The following ANKS1B variants were observed in gnomAD, a reference collection of about 807,000 sequenced individuals.
The protein encoded by ANKS1B is ankyrin repeat and sterile alpha motif domain-containing protein 1B.
A neutral mutation model predicts 148.3 loss-of-function variants in ANKS1B; 36 were observed. That is an observed-to-expected ratio of 0.24 (90% confidence interval 0.19 to 0.32). ANKS1B has a LOEUF of 0.32. Among genes scored for constraint, ANKS1B ranks in the 10% least tolerant of loss-of-function variants. The pLI, the probability that ANKS1B is intolerant of heterozygous loss-of-function variation, is 1.00. For missense variants in ANKS1B, 1,157 were observed against 1,542.6 expected (o/e 0.75, Z 4.19); for synonymous variants, 542 against 560.8 (o/e 0.97, Z 0.47).
chr12:99,687,671 T>C (rs1028981475), intron 8 of ANKS1B, among the ~76,000 whole-genome samples: 4 of 152,214 alleles, frequency 2.6e-5, no homozygotes, highest in African/African-American at 9.6e-5. Flanking sequence ...GAAGTTCCAC[T>C]TGAGTCATTT....
intron 17 of ANKS1B, among the ~76,000 whole-genome samples, chr12:98,845,805 A>G (rs926722111): frequency 1.3e-5 from 2 of 151,894 alleles, no homozygotes; most frequent in Non-Finnish European, 2.9e-5. Flanking sequence ...AAAAACCTCT[A>G]TTACCTTTAG....
At chr12:99,320,924 T>C (rs919244318) in intron 12 of ANKS1B, among the ~76,000 whole-genome samples, 1 of 152,162 alleles carries the variant, frequency 6.6e-6, no homozygotes, top group African/African-American at 2.4e-5. Flanking sequence ...CTAACAGTCA[T>C]GACCCTGGAA....
rs186185769 is a variant in ANKS1B, at chr12:99,675,273, T to C, written c.1129-20063A>G. Among the ~76,000 whole-genome samples, 39 of 152,158 alleles carry C rather than the reference T, an allele frequency of 2.6e-4. 1 individual carries two copies. The East Asian group carries it at 7.1e-3, about 28-fold the overall frequency. On this transcript the variant is annotated intron_variant, in intron 8 of 26. Transcript: ENST00000683438. Reference sequence around the variant, plus strand: ...TATGTATGTGTAATGATATTCATTATTCCATTGATATAAAAGCAAATAATT... The same window carrying C: ...TATGTATGTGTAATGATATTCATTACTCCATTGATATAAAAGCAAATAATT...
intron 9 of ANKS1B, among the ~76,000 whole-genome samples, chr12:98,736,910 AG>A (rs1170844346): frequency 1.3e-5 from 2 of 152,242 alleles, no homozygotes; most frequent in Admixed American, 1.3e-4. Flanking sequence ...TAAGCAGCAG[AG>A]GAAGCAATAA....
At chr12:99,874,895 A>G (rs550837666) in intron 1 of ANKS1B, among the ~76,000 whole-genome samples, 1 of 152,218 alleles carries the variant, frequency 6.6e-6, no homozygotes, top group Admixed American at 6.5e-5. Context: ...TGCCTAATAC[A>G]TTGCAAATAC....
intron 4 of ANKS1B, among the ~76,000 whole-genome samples, chr12:99,787,482 C>T (rs529737593): frequency 6.6e-6 from 1 of 152,206 alleles, no homozygotes; most frequent in East Asian, 1.9e-4. Flanking sequence ...TATTAGGAGA[C>T]ATACTAATAG....
intron 26 of ANKS1B, 32 bp from the exon 27 acceptor site, chr12:98,745,881 CG>C: frequency 6.3e-7 from 1 of 1,591,652 alleles, no homozygotes; most frequent in Non-Finnish European, 8.5e-7. Flanking sequence ...GCCTGTTATA[CG>C]GTCGCCGCGC....
intron 1 of ANKS1B, among the ~76,000 whole-genome samples, chr12:99,936,908 T>C (rs1389857822): frequency 1.3e-5 from 2 of 152,234 alleles, no homozygotes; most frequent in Non-Finnish European, 2.9e-5. Context: ...TCATCTACAC[T>C]GAATGACTAT....
At chr12:99,274,970 G>A (rs548103589) in intron 12 of ANKS1B, among the ~76,000 whole-genome samples, 1 of 152,152 alleles carries the variant, frequency 6.6e-6, no homozygotes, top group Non-Finnish European at 1.5e-5. Flanking sequence ...TTCTAAGAGT[G>A]AGATTTCCAA....
intron 1 of ANKS1B, among the ~76,000 whole-genome samples, chr12:99,880,815 T>C (rs1043636948): frequency 1.3e-5 from 2 of 152,188 alleles, no homozygotes; most frequent in Non-Finnish European, 2.9e-5. Flanking sequence ...AAGAGCCCCA[T>C]CAAGACAGAA....
At chr12:99,541,676 G>A (rs1351866193) in intron 9 of ANKS1B, among the ~76,000 whole-genome samples, 1 of 152,012 alleles carries the variant, frequency 6.6e-6, no homozygotes, top group African/African-American at 2.4e-5. Context: ...CCAACATGGT[G>A]AAACCCCATC....
intron 15 of ANKS1B, among the ~76,000 whole-genome samples, chr12:99,120,988 G>A (rs999274081): frequency 1.3e-5 from 2 of 152,064 alleles, no homozygotes; most frequent in African/African-American, 2.4e-5. Flanking sequence ...AGAGAATGAT[G>A]ACTAACCTAA....
intron 16 of ANKS1B, among the ~76,000 whole-genome samples, chr12:99,063,924 T>G (rs2153566790): frequency 6.6e-6 from 1 of 152,316 alleles, no homozygotes; most frequent in Admixed American, 6.5e-5. Context: ...TTGTTTACAA[T>G]TAGACTCTGT....
chr12:99,323,612 G>C (rs2085737724), intron 12 of ANKS1B, among the ~76,000 whole-genome samples: 1 of 152,032 alleles, frequency 6.6e-6, no homozygotes, highest in South Asian at 2.1e-4. Flanking sequence ...ACTATCACTT[G>C]CCTTATTTGT....
At chr12:99,746,772 C>T (rs1046654267) in intron 8 of ANKS1B, among the ~76,000 whole-genome samples, 1 of 152,140 alleles carries the variant, frequency 6.6e-6, no homozygotes, top group African/African-American at 2.4e-5. Flanking sequence ...GTCTTACATA[C>T]AGAAGCAATC....
chr12:99,706,725 A>C (rs949909076), intron 8 of ANKS1B: 1 of 152,056 alleles, frequency 6.6e-6, no homozygotes, highest in African/African-American at 2.4e-5. Flanking sequence ...CCCTCTGTTG[A>C]TTCTCTCCCT....
intron 9 of ANKS1B, among the ~76,000 whole-genome samples, chr12:99,570,887 A>G (rs936346346): frequency 6.6e-6 from 1 of 152,160 alleles, no homozygotes; most frequent in Non-Finnish European, 1.5e-5. Context: ...TTAAGCAAAT[A>G]AATCAAAATA....
chr12:99,687,252 C>CTAA (rs905608568), intron 8 of ANKS1B, among the ~76,000 whole-genome samples: 1 of 152,054 alleles, frequency 6.6e-6, no homozygotes, highest in African/African-American at 2.4e-5. Flanking sequence ...TCTCTGGCTG[C>CTAA]TTTTAGGATT....
At chr12:99,624,835 GGA>G (rs1444631762) in intron 9 of ANKS1B, among the ~76,000 whole-genome samples, 1 of 152,030 alleles carries the variant, frequency 6.6e-6, no homozygotes, top group Non-Finnish European at 1.5e-5. Context: ...GAAACAGTTG[GGA>G]GAGTTCTCAA....
Sources: gnomAD v4.1 joint callset for allele counts (sites outside exome capture counted in the v4.1 genomes callset) on GRCh38, gnomAD v4.1.1 for gene constraint, MANE v1.5 for transcripts, NCBI Gene and HGNC (gene_info 2026-07-23, HGNC 2026-07-21) for gene names.